The following TPTE2 variants were observed in gnomAD, a reference collection of about 807,000 sequenced individuals.
TPTE2 encodes the protein phosphatidylinositol 3,4,5-trisphosphate 3-phosphatase TPTE2.
TPTE2 carries 53 observed loss-of-function variants against 78.6 expected under a neutral mutation model. The ratio of observed to expected loss-of-function variants is 0.67; its 90% CI spans 0.54 to 0.85. TPTE2 has a LOEUF of 0.85. Among genes scored for constraint, TPTE2 ranks in the 40% least tolerant of loss-of-function variants. The pLI is 0.00. For missense variants in TPTE2, 461 were observed against 623.0 expected (o/e 0.74, Z 2.77); for synonymous variants, 175 against 206.2 (o/e 0.85, Z 1.30).
chr13:19,524,798 G>A (rs1870396926), intron 1 of TPTE2, among the ~76,000 whole-genome samples: 1 of 152,080 alleles, frequency 6.6e-6, no homozygotes, highest in South Asian at 2.1e-4. Flanking sequence ...GAGAAAAAGT[G>A]GGGAGCGAGT....
the TPTE2 span, chr13:19,560,950 G>A: frequency 8.1e-6 from 13 of 1,597,310 alleles, no homozygotes; most frequent in Non-Finnish European, 9.4e-6. Context: ...TGGTCCTCTT[G>A]AAGAAGGCTT....
At chr13:19,504,752 G>C (rs1167173670), upstream of TPTE2, among the ~76,000 whole-genome samples, 1 of 152,062 alleles carries the variant, frequency 6.6e-6, no homozygotes, top group Non-Finnish European at 1.5e-5. Flanking sequence ...TTTATAAATG[G>C]TGTAAAAGAC....
upstream of TPTE2, among the ~76,000 whole-genome samples, chr13:19,506,374 C>T (rs1188805906): frequency 2.0e-5 from 3 of 150,804 alleles, no homozygotes; most frequent in African/African-American, 4.9e-5. Flanking sequence ...GGGGTTTCAC[C>T]GTTTTAGCCG....
At chr13:19,485,657 C>T (rs1392904981) in intron 3 of TPTE2, among the ~76,000 whole-genome samples, 1 of 152,050 alleles carries the variant, frequency 6.6e-6, no homozygotes, top group East Asian at 1.9e-4. Flanking sequence ...TTCTGGAATG[C>T]CCATAATATG....
At chr13:19,439,988 C>T (rs1877383064) in intron 13 of TPTE2, among the ~76,000 whole-genome samples, 1 of 151,994 alleles carries the variant, frequency 6.6e-6, no homozygotes, top group Non-Finnish European at 1.5e-5. Context: ...TACTGGCATG[C>T]CCTAGAGAGA....
intron 10 of TPTE2, among the ~76,000 whole-genome samples, chr13:19,454,852 A>C (rs1370362415): frequency 1.3e-5 from 2 of 152,252 alleles, no homozygotes; most frequent in Non-Finnish European, 2.9e-5. Context: ...ATCTACTAAA[A>C]GAAAATGGGC....
intron 18 of TPTE2, chr13:19,425,639 A>G (rs1265787710): frequency 8.3e-5 from 40 of 479,074 alleles, no homozygotes; most frequent in African/African-American, 6.7e-4. Context: ...CACAGCAGAG[A>G]CTCATGGCTG....
At chr13:19,507,753 C>T (rs1869168845), upstream of TPTE2, among the ~76,000 whole-genome samples, 1 of 152,166 alleles carries the variant, frequency 6.6e-6, no homozygotes, top group Non-Finnish European at 1.5e-5. Context: ...CAGTCAATTG[C>T]GGGTGGCTGA....
At chr13:19,551,147 A>C in the TPTE2 span, among the ~76,000 whole-genome samples, 1 of 152,204 alleles carries the variant, frequency 6.6e-6, no homozygotes, top group Non-Finnish European at 1.5e-5. Flanking sequence ...CAATAATGGA[A>C]AGAGCTGGTA....
At chr13:19,442,083 T>TG (rs2137508399) in intron 13 of TPTE2, among the ~76,000 whole-genome samples, 1 of 152,186 alleles carries the variant, frequency 6.6e-6, no homozygotes, top group East Asian at 1.9e-4. Flanking sequence ...TTAAATAAAA[T>TG]AGATGTACAT....
At chr13:19,462,863 C>T (rs540981328) in intron 10 of TPTE2, among the ~76,000 whole-genome samples, 8 of 150,786 alleles carry the variant, frequency 5.3e-5, no homozygotes, top group Non-Finnish European at 7.4e-5. Flanking sequence ...CTCTTTTTGA[C>T]TTTTGACAGT....
At chr13:19,436,559 T>C (rs913723293) in intron 14 of TPTE2, among the ~76,000 whole-genome samples, 2 of 152,088 alleles carry the variant, frequency 1.3e-5, no homozygotes, top group Admixed American at 6.6e-5. Context: ...ACTACAGGTG[T>C]GTACCACCAT....
chr13:19,464,596 G>T lies in TPTE2; in HGVS notation c.677-76C>A, dbSNP rs1404856849. ...ACACAAAAAAAATTAATTTATACAT[G>T]ATCAGACTCCATTTTCACAGAAAAA... On this transcript the variant is annotated intron_variant, in intron 9 of 19. Coordinates refer to ENST00000400230, the Ensembl canonical transcript of TPTE2. 2.0e-6 allele frequency: 3 copies of T among 1,480,750 alleles called. No individual in the cohort carries two copies. In the Admixed American group the frequency reaches 6.3e-5, roughly 31 times the overall value. The allele number at this position is 1,480,750 out of a possible 1,614,324, so 91.7% of individuals were successfully genotyped here.
At chr13:19,530,755 G>T (rs1005392931) in intron 1 of TPTE2, among the ~76,000 whole-genome samples, 5 of 151,928 alleles carry the variant, frequency 3.3e-5, no homozygotes, top group African/African-American at 1.2e-4. Flanking sequence ...AAACTCCTGG[G>T]CTCAAGTGAT....
At chr13:19,443,770 A>ACC (rs1566042353) in intron 13 of TPTE2, among the ~76,000 whole-genome samples, 4,381 of 137,792 alleles carry the variant, frequency 0.032, 231 homozygotes, top group African/African-American at 0.1. Context: ...ACACACACAC[A>ACC]CACACACACA....
intron 3 of TPTE2, among the ~76,000 whole-genome samples, chr13:19,492,227 C>T (rs1463565130): frequency 2.0e-5 from 3 of 152,130 alleles, no homozygotes; most frequent in Non-Finnish European, 4.4e-5. Context: ...CAGTGAAGTA[C>T]CCGCGCACCT....
At chr13:19,483,659 C>T (rs1880488479) in intron 3 of TPTE2, among the ~76,000 whole-genome samples, 1 of 151,986 alleles carries the variant, frequency 6.6e-6, no homozygotes, top group South Asian at 2.1e-4. Context: ...TTATTTATTT[C>T]CTTTTAACAA....
At chr13:19,491,945 A>G (rs1001103382) in intron 3 of TPTE2, among the ~76,000 whole-genome samples, 1 of 152,178 alleles carries the variant, frequency 6.6e-6, no homozygotes, top group African/African-American at 2.4e-5. Flanking sequence ...CAAAACTCAC[A>G]TGCTATTGCT....
intron 1 of TPTE2, among the ~76,000 whole-genome samples, chr13:19,513,075 AT>A (rs1203700912): frequency 1.3e-5 from 2 of 152,226 alleles, no homozygotes; most frequent in African/African-American, 4.8e-5. Flanking sequence ...TATAAAAAAA[AT>A]TTTGGTGACT....
Sources: allele counts gnomAD v4.1 joint callset (sites outside exome capture counted in the v4.1 genomes callset), GRCh38; gene constraint gnomAD v4.1.1; transcripts MANE v1.5; gene names NCBI Gene and HGNC (gene_info 2026-07-23, HGNC 2026-07-21).